MLXIPL: variants seen among roughly 807,000 people sequenced by gnomAD.
MLXIPL encodes the protein MLX interacting protein like.
A neutral mutation model predicts 81.5 loss-of-function variants in MLXIPL; 49 were observed. The observed-to-expected ratio is 0.60, with a 90% CI of 0.48 to 0.76. The LOEUF (loss-of-function observed/expected upper bound fraction) is 0.76. Among genes scored for constraint, MLXIPL ranks in the 30% least tolerant of loss-of-function variants. The pLI is 0.00. For synonymous variants in MLXIPL, 466 were observed against 485.5 expected, an observed-to-expected ratio of 0.96 and a Z score of 0.53; for missense variants, 1,053 against 1,167.0, an observed-to-expected ratio of 0.90 and a Z score of 1.42.
intron 7 of MLXIPL, among the ~76,000 whole-genome samples, chr7:73,602,078 G>A (rs988420945): frequency 2.9e-5 from 3 of 105,128 alleles, no homozygotes; most frequent in African/African-American, 9.6e-5. Flanking sequence ...CCACCTGCCT[G>A]CCTGCCTGCC....
intron 15 of MLXIPL, 102 bp downstream of exon 15, chr7:73,595,535 G>C (rs1794206077): frequency 6.2e-7 from 1 of 1,608,726 alleles, no homozygotes; most frequent in African/African-American, 1.3e-5. Context: ...GCAGCTCTGA[G>C]CCTGCCCGGC....
intron 1 of MLXIPL, 93 bp from the exon 2 acceptor site, chr7:73,616,270 G>T: frequency 8.5e-7 from 1 of 1,176,226 alleles, no homozygotes; most frequent in Non-Finnish European, 1.3e-6. Flanking sequence ...TCCATCTATG[G>T]TTGGCATTTG....
chr7:73,619,589 A>G (rs1340746291), intron 1 of MLXIPL, among the ~76,000 whole-genome samples: 3 of 151,816 alleles, frequency 2.0e-5, no homozygotes, highest in Non-Finnish European at 2.9e-5. Context: ...TGATCACACC[A>G]CTGCACTCCA....
At position 73,607,354 on chromosome 7, in the gene MLXIPL, A is replaced by C; in HGVS notation, c.550T>G (p.Trp184Gly). 6.4e-7 allele frequency: 1 copy of C among 1,566,886 alleles called. No individual in the cohort carries two copies. Among genetic ancestry groups the C allele is most frequent in the East Asian group, 2.4e-5 (1 of 42,404 alleles). ...IEVVMREYHKWRIYYKKRLRK... is the reference protein window; with the variant it reads ...IEVVMREYHKGRIYYKKRLRK... ...ACCCGCTTCTTGTAGTAGATGCGCC[A>C]CTTGTGGTATTCCCGCATCACCACC... The change falls in exon 4 of 17, where the codon TGG becomes GGG. Residue 184 changes from tryptophan to glycine, a missense_variant. Around this residue, in one of 3 missense-constraint regions of MLXIPL, gnomAD observed 823 missense variants for 933.0 expected, o/e 0.88. Coordinates refer to ENST00000313375, the MANE Select transcript of MLXIPL (RefSeq NM_032951.3).
chr7:73,595,566 C>A, intron 15 of MLXIPL, 71 bp downstream of exon 15: 1 of 1,613,330 alleles, frequency 6.2e-7, no homozygotes, highest in Non-Finnish European at 8.5e-7. Flanking sequence ...AGGCCTCCAT[C>A]CCAGGCCCAG....
chr7:73,605,600 C>T (rs985686502), intron 7 of MLXIPL, 88 bp downstream of exon 7: 5 of 1,195,764 alleles, frequency 4.2e-6, no homozygotes, highest in East Asian at 2.3e-5. Flanking sequence ...AGACTATCAG[C>T]CCTCCCAGAG....
intron 1 of MLXIPL, among the ~76,000 whole-genome samples, chr7:73,617,767 C>T (rs755320903): frequency 2.6e-5 from 4 of 152,030 alleles, no homozygotes; most frequent in Non-Finnish European, 2.9e-5. Flanking sequence ...ATTTCTTCAG[C>T]CCGGGAGTTT....
chr7:73,597,285 A>C lies in MLXIPL; in HGVS notation c.1500T>G (p.Pro500=). Residue 500 remains proline (P), a synonymous_variant, in exon 9 of 17, where the codon CCT becomes CCG. Transcript: ENST00000313375. ...TAGGGGGGCTGGCTTTCTGTCCCCT[A>C]GGGGATGGGGCGGGGGGCTTGCCTC... The part of the protein sequence containing the change: ...MPRGKPPAPS[P]RGQKASPPTL... The C allele has an allele frequency of 6.9e-6, 10 of 1,454,834 alleles. No homozygotes were observed. Among genetic ancestry groups the C allele is most frequent in the Non-Finnish European group, 8.4e-6 (9 of 1,071,586 alleles). The allele number at this position is 1,454,834 out of a possible 1,614,324, so 90.1% of individuals were successfully genotyped here.
rs1554593599 is a variant in MLXIPL, at chr7:73,595,989, G to T, written c.2059-20C>A. ...GCTCACCTGCAGACGCCACCAGGGG[G>T]GCTCAGGCAGGTGCTAGAGGCTGTA... On this transcript the variant is annotated intron_variant, in intron 13 of 16. Coordinates refer to ENST00000313375, the MANE Select transcript of MLXIPL (RefSeq NM_032951.3). 1.2e-6 allele frequency: 2 copies of T among 1,611,698 alleles called. No individual in the cohort carries two copies. The highest frequency in any genetic ancestry group is 1.7e-5 in the Admixed American group (1 of 59,986).
chr7:73,600,912 G>A (rs988199601), intron 7 of MLXIPL, among the ~76,000 whole-genome samples: 8 of 146,370 alleles, frequency 5.5e-5, no homozygotes, highest in African/African-American at 7.4e-5. Context: ...GGCGCCGCCC[G>A]CCCACCCGCT....
In MLXIPL at chr7:73,597,722, G is replaced by A. The variant is rs781898720; in HGVS notation, c.1072-9C>T. ...GGGCAGCTGTTCCGAGCCTGGTTGG[G>A]GGGACAGACAGACACTCAGAGAGCA... On this transcript the variant is annotated splice_polypyrimidine_tract_variant and intron_variant, in intron 8 of 16. Coordinates refer to ENST00000313375, the MANE Select transcript of MLXIPL (RefSeq NM_032951.3). 3 of 1,338,008 alleles carry A rather than the reference G, an allele frequency of 2.2e-6. No homozygotes were observed. Among genetic ancestry groups the A allele is most frequent in the Non-Finnish European group, 2.9e-6 (3 of 1,047,284 alleles). The allele number at this position is 1,338,008 out of a possible 1,614,324, so 82.9% of individuals were successfully genotyped here.
chr7:73,622,972 C>T (rs1166596473), intron 1 of MLXIPL, among the ~76,000 whole-genome samples: 1 of 152,162 alleles, frequency 6.6e-6, no homozygotes, highest in African/African-American at 2.4e-5. Context: ...TGCCCTGTCC[C>T]AGGCAGTCGC....
At chr7:73,629,264 A>G (rs1796798647), upstream of MLXIPL, among the ~76,000 whole-genome samples, 1 of 149,742 alleles carries the variant, frequency 6.7e-6, no homozygotes, top group South Asian at 2.1e-4. Flanking sequence ...TTAATCTTGA[A>G]CTCCTAACCT....
chr7:73,605,968 G>A lies in MLXIPL; in HGVS notation c.762C>T (p.Asp254=). 1.3e-6 allele frequency: 2 copies of A among 1,594,968 alleles called. No individual in the cohort carries two copies. Among genetic ancestry groups the A allele is most frequent in the Admixed American group, 3.5e-5 (2 of 56,766 alleles). The change falls in exon 6 of 17, where the codon GAC becomes GAT. Residue 254 remains aspartate, a synonymous_variant. Transcript: ENST00000313375. The stretch of plus-strand genomic sequence containing the variant: ...CGGACTGAGTCATGGTGAAGAGAGT[G>A]TCTGAGATGTCGGACAAAAAGCAAT... ...DLNCFLSDIS[D]TLFTMTQSGP... is the part of the protein sequence containing the mutation.
the MLXIPL span, among the ~76,000 whole-genome samples, chr7:73,636,322 A>G: frequency 1.3e-5 from 2 of 151,370 alleles, no homozygotes; most frequent in African/African-American, 4.9e-5. Flanking sequence ...AGGCACAAGA[A>G]TTGCTTGAAC....
chr7:73,616,468 A>G (rs2116460805), intron 1 of MLXIPL, among the ~76,000 whole-genome samples: 1 of 152,282 alleles, frequency 6.6e-6, no homozygotes, highest in East Asian at 1.9e-4. Flanking sequence ...CCCTGGAAGC[A>G]ACAATGTCCA....
intron 7 of MLXIPL, among the ~76,000 whole-genome samples, chr7:73,604,360 C>T (rs1206138583): frequency 6.6e-6 from 1 of 151,756 alleles, no homozygotes; most frequent in Non-Finnish European, 1.5e-5. Context: ...TCTCTTGAGC[C>T]CAGGAGTTCT....
chr7:73,614,404 C>A (rs1795881218), intron 2 of MLXIPL, among the ~76,000 whole-genome samples: 1 of 152,092 alleles, frequency 6.6e-6, no homozygotes, highest in African/African-American at 2.4e-5. Flanking sequence ...CCCAGGGTTG[C>A]TAGGAAGCCT....
intron 7 of MLXIPL, among the ~76,000 whole-genome samples, chr7:73,605,376 TG>T (rs782216012): frequency 5.9e-5 from 9 of 151,874 alleles, no homozygotes; most frequent in African/African-American, 1.5e-4. Context: ...CTGGGCAACA[TG>T]GTGAAACCCA....
Sources: gnomAD v4.1 joint callset for allele counts (sites outside exome capture counted in the v4.1 genomes callset) on GRCh38, gnomAD v4.1.1 for gene constraint, gnomAD v4.1.1 regional missense constraint, MANE v1.5 for transcripts, NCBI Gene and HGNC (gene_info 2026-07-23, HGNC 2026-07-21) for gene names.